FRMPD4: variants seen among roughly 807,000 people sequenced by gnomAD.
FRMPD4 encodes FERM and PDZ domain-containing protein 4.
A neutral mutation model predicts 94.1 loss-of-function variants in FRMPD4; 22 were observed. The observed-to-expected ratio is 0.23, with a 90% CI of 0.17 to 0.33. FRMPD4 has a LOEUF of 0.33. Ranked by LOEUF, FRMPD4 falls within the 10% of genes least tolerant of loss-of-function variation. FRMPD4 has a pLI of 1.00. For missense variants in FRMPD4, 1,111 were observed against 1,339.9 expected, an observed-to-expected ratio of 0.83 and a Z score of 2.67; for synonymous variants, 631 against 548.6, an observed-to-expected ratio of 1.15 and a Z score of -2.10.
chrX:11,921,140 G>A (rs1326885680), intron 3 of FRMPD4, among the ~76,000 whole-genome samples: 1 of 112,103 alleles, frequency 8.9e-6, no homozygotes, highest in African/African-American at 3.2e-5. Context: ...GTCAACTTGG[G>A]CTGTCGTAAC....
chrX:12,533,302 A>G (rs781422294), intron 2 of FRMPD4, among the ~76,000 whole-genome samples: 3 of 112,394 alleles, frequency 2.7e-5, no homozygotes, highest in Non-Finnish European at 3.8e-5. Flanking sequence ...ACGTGGAGCT[A>G]TAAGTCCAAT....
chrX:11,962,448 A>T (rs1324936258), intron 3 of FRMPD4, among the ~76,000 whole-genome samples: 1 of 111,689 alleles, frequency 9.0e-6, no homozygotes, highest in Non-Finnish European at 1.9e-5. Flanking sequence ...AAAAGTTCCC[A>T]CCTTTTAACA....
At chrX:12,296,021 G>T (rs998610072) in intron 1 of FRMPD4, among the ~76,000 whole-genome samples, 1 of 110,607 alleles carries the variant, frequency 9.0e-6, no homozygotes, top group South Asian at 3.9e-4. Flanking sequence ...GGAGTGGGGG[G>T]TGATGTAGGG....
intron 1 of FRMPD4, among the ~76,000 whole-genome samples, chrX:11,853,800 C>G (rs370334894): frequency 8.9e-6 from 1 of 111,843 alleles, no homozygotes; most frequent in African/African-American, 3.3e-5. Flanking sequence ...ACCAGATGTA[C>G]GAATAAGAGC....
At chrX:11,955,556 G>A (rs760573133) in intron 3 of FRMPD4, among the ~76,000 whole-genome samples, 1 of 109,579 alleles carries the variant, frequency 9.1e-6, no homozygotes, top group Non-Finnish European at 1.9e-5. Context: ...TCGAGACCAC[G>A]GTGAAACCCC....
intron 1 of FRMPD4, among the ~76,000 whole-genome samples, chrX:12,231,054 T>TATATAAAAA (rs1569199827): frequency 1.7e-3 from 113 of 66,894 alleles, no homozygotes; most frequent in African/African-American, 6.5e-3. Context: ...ATATAAAATA[T>TATATAAAAA]ATATATATAT....
intron 2 of FRMPD4, among the ~76,000 whole-genome samples, chrX:12,533,264 C>T (rs1005759047): frequency 2.7e-5 from 3 of 112,342 alleles, no homozygotes; most frequent in African/African-American, 9.7e-5. Context: ...CTTTCAGCTT[C>T]CAGCGTGATC....
At chrX:12,188,367 A>G (rs2056449294) in intron 1 of FRMPD4, among the ~76,000 whole-genome samples, 1 of 111,813 alleles carries the variant, frequency 8.9e-6, no homozygotes, top group African/African-American at 3.3e-5. Context: ...CCTAATGCAT[A>G]GTATTGTTTA....
intron 1 of FRMPD4, among the ~76,000 whole-genome samples, chrX:11,843,249 G>T (rs1004097884): frequency 1.8e-5 from 2 of 111,608 alleles, no homozygotes; most frequent in Non-Finnish European, 3.8e-5. Flanking sequence ...AGGAATATTG[G>T]TTTGTAATTT....
chrX:11,933,758 T>A (rs1174164602), intron 3 of FRMPD4, among the ~76,000 whole-genome samples: 1 of 112,067 alleles, frequency 8.9e-6, no homozygotes, highest in Admixed American at 9.5e-5. Context: ...TGGGGTTTTT[T>A]TTAGGGACAA....
At chrX:12,101,884 A>T (rs1212872306) in intron 3 of FRMPD4, among the ~76,000 whole-genome samples, 1 of 112,078 alleles carries the variant, frequency 8.9e-6, no homozygotes, top group East Asian at 2.8e-4. Context: ...ACATCTACTT[A>T]TCTATATCTC....
At chrX:12,564,036 G>C (rs1337124463) in intron 2 of FRMPD4, among the ~76,000 whole-genome samples, 1 of 112,211 alleles carries the variant, frequency 8.9e-6, no homozygotes, top group Non-Finnish European at 1.9e-5. Context: ...CCAGTGTCTG[G>C]TGAGGGCCTG....
chrX:12,463,682 T>TG (rs60848578), intron 1 of FRMPD4, among the ~76,000 whole-genome samples: 495 of 31,415 alleles, frequency 0.016, 40 homozygotes, highest in South Asian at 0.036. Context: ...TATGTGTGTG[T>TG]TTTTTTTTTG....
Position 12,719,994 on chromosome X carries a change from A to AG in FRMPD4, c.3965-539dup, listed in dbSNP as rs1187065261. On this transcript the variant is annotated intron_variant, in intron 16 of 16. Coordinates refer to ENST00000675598, the MANE Select transcript of FRMPD4 (RefSeq NM_001368397.1). ...CACTTCTTTAAAAGAAAGAAAGGAA[A>AG]GAAAGGAAAGGAAAGGAAAGGAAAG... 1.4e-3 allele frequency among the ~76,000 whole-genome samples: 115 copies of AG among 81,944 alleles called. 1 individual carries two copies. Among genetic ancestry groups the AG allele is most frequent in the African/African-American group, 5.8e-3 (110 of 19,034 alleles). 71.2% of individuals were successfully genotyped at this position (81,944 alleles called of 115,157 possible).
chrX:12,645,402 C>A (rs1456026967), intron 4 of FRMPD4, among the ~76,000 whole-genome samples: 8 of 85,774 alleles, frequency 9.3e-5, no homozygotes, highest in Non-Finnish European at 1.5e-4. Flanking sequence ...GTTGCCTAGG[C>A]TGGAGTGTAA....
In FRMPD4 at chrX:12,488,855, T is replaced by C. The variant is rs2057764856; in HGVS notation, c.42-9825T>C. ...ATAAGAAAATAGAAGGGCAGAAAAA[T>C]AAATGACTTTCTCAAGGTGACACTA... On this transcript the variant is annotated intron_variant, in intron 1 of 16. Transcript: ENST00000675598. 2.7e-5 allele frequency among the ~76,000 whole-genome samples: 3 copies of C among 111,529 alleles called. No individual in the cohort carries two copies. The South Asian group carries it at 1.1e-3, about 42-fold the overall frequency.
At chrX:12,153,502 G>A (rs368675442) in intron 1 of FRMPD4, among the ~76,000 whole-genome samples, 3 of 112,155 alleles carry the variant, frequency 2.7e-5, no homozygotes, top group South Asian at 3.7e-4. Flanking sequence ...AGGCAATAAA[G>A]CATCTAATCC....
At chrX:12,041,975 G>T (rs6639133) in intron 3 of FRMPD4, among the ~76,000 whole-genome samples, 6,914 of 111,501 alleles carry the variant, frequency 0.062, 243 homozygotes, top group East Asian at 0.23. Flanking sequence ...TAGAATTTCA[G>T]TTTGGATGAC....
intron 2 of FRMPD4, among the ~76,000 whole-genome samples, chrX:12,505,023 G>T (rs1306660334): frequency 9.0e-6 from 1 of 111,555 alleles, no homozygotes. Context: ...TAGTGCACTG[G>T]GTCGCCTCTT....
Sources: gnomAD v4.1 joint callset for allele counts (sites outside exome capture counted in the v4.1 genomes callset) on GRCh38, gnomAD v4.1.1 for gene constraint, MANE v1.5 for transcripts, NCBI Gene and HGNC (gene_info 2026-07-23, HGNC 2026-07-21) for gene names.